TUBD1: variants seen among roughly 807,000 people sequenced by gnomAD.
TUBD1 encodes the protein tubulin delta chain.
Under a neutral mutation model 51.2 loss-of-function variants are expected in TUBD1, and 38 were observed. The ratio of observed to expected loss-of-function variants is 0.74; its 90% CI spans 0.57 to 0.97. The LOEUF (loss-of-function observed/expected upper bound fraction) is 0.97, where lower values mean the gene tolerates loss of function less well. Ranked by LOEUF, TUBD1 falls within the 50% of genes least tolerant of loss-of-function variation. The pLI, the probability that TUBD1 is intolerant of heterozygous loss-of-function variation, is 0.00. For synonymous variants in TUBD1, 169 were observed against 178.2 expected (o/e 0.95, Z 0.41); for missense variants, 489 against 538.4 (o/e 0.91, Z 0.91).
chr17:59,886,040 T>C (rs1177584626), intron 3 of TUBD1, 43 bp downstream of exon 3: 1 of 1,605,050 alleles, frequency 6.2e-7, no homozygotes, highest in Non-Finnish European at 8.5e-7. Context: ...TAATTGACTG[T>C]GTAGCTGTCA....
intron 7 of TUBD1, 46 bp from the exon 8 acceptor site, chr17:59,863,893 T>G: frequency 7.5e-7 from 1 of 1,336,426 alleles, no homozygotes; most frequent in Non-Finnish European, 9.8e-7. Context: ...CATAAATTAG[T>G]AATTGTGAAA....
rs2040324232 is a variant in TUBD1 at position 59,878,399 on chromosome 17, C to T, written c.538-65G>A. The T allele has an allele frequency of 3.4e-6, 4 of 1,187,286 alleles. No individual in the cohort carries two copies. In the Admixed American group the frequency reaches 7.3e-5, roughly 22 times the overall value. 73.5% of individuals were successfully genotyped at this position (1,187,286 alleles called of 1,614,324 possible). A position where few individuals can be genotyped will look rare whatever the true frequency, so the allele number is the denominator to read the frequency against. On this transcript the variant is annotated intron_variant, in intron 4 of 8. Coordinates refer to ENST00000325752, the MANE Select transcript of TUBD1 (RefSeq NM_016261.4). ...AATAATGGTTAAGATTACAGATTCT[C>T]AAGGCATCCTGGCAGGGTTCAAATC...
chr17:59,881,467 TAC>T (rs141757707), intron 3 of TUBD1, among the ~76,000 whole-genome samples: 83 of 152,334 alleles, frequency 5.4e-4, no homozygotes, highest in African/African-American at 1.9e-3. Context: ...AGAGGGAATT[TAC>T]AGAGTATAGA....
intron 1 of TUBD1, chr17:59,891,911 G>A (rs1394405077): frequency 6.6e-6 from 1 of 151,710 alleles, no homozygotes; most frequent in African/African-American, 2.4e-5. Flanking sequence ...GCTGCAGTGA[G>A]CCAAGATCTT....
chr17:59,879,233 A>C (rs1343843273), intron 4 of TUBD1, among the ~76,000 whole-genome samples: 1 of 144,784 alleles, frequency 6.9e-6, no homozygotes, highest in Non-Finnish European at 1.5e-5. Context: ...GTGCCATTGC[A>C]CTCCAGCCTG....
chr17:59,878,570 G>A lies in TUBD1; in HGVS notation c.538-236C>T, dbSNP rs566828794. The A allele has an allele frequency of 5.2e-5, 20 of 384,012 alleles. 1 individual carries two copies. The highest frequency in any genetic ancestry group is 2.3e-4 in the African/African-American group (11 of 47,568). 23.8% of individuals were successfully genotyped at this position (384,012 alleles called of 1,614,324 possible). On this transcript the variant is annotated intron_variant, in intron 4 of 8. Coordinates refer to ENST00000325752, the MANE Select transcript of TUBD1 (RefSeq NM_016261.4). ...CACCATCTCTGCTCACTGCAACCTC[G>A]GCCTCCCGGTTCGAGATTCTTGTGT...
At position 59,880,993 on chromosome 17, in the gene TUBD1, T is replaced by C; in HGVS notation, c.438A>G (p.Thr146=). 2.5e-6 allele frequency: 4 copies of C among 1,614,166 alleles called. No individual in the cohort carries two copies. Among genetic ancestry groups the C allele is most frequent in the Non-Finnish European group, 3.4e-6 (4 of 1,180,016 alleles). Residue 146 remains threonine (T), a synonymous_variant, in exon 4 of 9, where the codon ACA becomes ACG. Coordinates refer to ENST00000325752, the MANE Select transcript of TUBD1 (RefSeq NM_016261.4). ...FFIIMSMAGG[T]GSGLGAFVTQ... is the part of the protein sequence containing the mutation. ...TAACGAAAGCTCCTAATCCTGATCC[T>C]GTGCCCCCAGCCATACTCATTATGA...
chr17:59,878,057 C>T lies in TUBD1; in HGVS notation c.769+46G>A. 3 of 1,488,130 alleles carry T rather than the reference C, an allele frequency of 2.0e-6. 1 individual carries two copies. The South Asian group carries it at 3.5e-5, about 17-fold the overall frequency. The allele number at this position is 1,488,130 out of a possible 1,614,324, so 92.2% of individuals were successfully genotyped here. A position where few individuals can be genotyped will look rare whatever the true frequency, so the allele number is the denominator to read the frequency against. ...CAGAAAGAATAAACTTTGAAGCTTTCAGAACATAAGGCTTTCCTATAATTA... is the reference window on the plus strand; with the variant it reads ...CAGAAAGAATAAACTTTGAAGCTTTTAGAACATAAGGCTTTCCTATAATTA... On this transcript the variant is annotated intron_variant, in intron 5 of 8. Coordinates refer to ENST00000325752, the MANE Select transcript of TUBD1 (RefSeq NM_016261.4).
At chr17:59,876,384 T>C (rs2040226847) in intron 5 of TUBD1, among the ~76,000 whole-genome samples, 1 of 151,134 alleles carries the variant, frequency 6.6e-6, no homozygotes, top group African/African-American at 2.4e-5. Context: ...AGATGGAGTT[T>C]CGCTCTTATT....
chr17:59,876,022 A>T (rs1465052574), intron 5 of TUBD1, among the ~76,000 whole-genome samples: 1 of 152,176 alleles, frequency 6.6e-6, no homozygotes. Flanking sequence ...AAATTTTGAC[A>T]CAAACATCTA....
intron 3 of TUBD1, chr17:59,885,292 C>G: frequency 6.6e-6 from 4 of 601,548 alleles, no homozygotes; most frequent in Non-Finnish European, 9.5e-6. Flanking sequence ...CCAGCTGGAC[C>G]TGAGATTGAA....
rs763470032 is a variant in TUBD1, at chr17:59,859,599, A to G, written c.*723T>C. 4.6e-5 allele frequency: 7 copies of G among 152,658 alleles called. No homozygotes were observed. 9.5% of individuals were successfully genotyped at this position (152,658 alleles called of 1,614,324 possible). A position where few individuals can be genotyped will look rare whatever the true frequency, so the allele number is the denominator to read the frequency against. On this transcript the variant is annotated 3_prime_UTR_variant, in exon 9 of 9. Coordinates refer to ENST00000325752, the MANE Select transcript of TUBD1 (RefSeq NM_016261.4). ...TATTCAAAATACATGTTCACACTGT[A>G]GCATTTGACAACATCTCCCTCCTGT...
Position 59,863,716 on chromosome 17 carries a change from C to T in TUBD1, c.1207G>A (p.Val403Ile). The change falls in exon 8 of 9, where the codon GTA becomes ATA. Residue 403 changes from valine (V) to isoleucine (I), a missense_variant. Coordinates refer to ENST00000325752, the MANE Select transcript of TUBD1 (RefSeq NM_016261.4). ...AVLVSNSQFL[V>I]KPLDMIVGKA... ...CCAACAATCATATCAAGTGGTTTTA[C>T]TAAGAACTGGCTGTTGCTGACCAAC... The T allele has an allele frequency of 6.2e-7, 1 of 1,603,746 alleles. No individual in the cohort carries two copies. Among genetic ancestry groups the T allele is most frequent in the Non-Finnish European group, 8.5e-7 (1 of 1,177,018 alleles).
chr17:59,871,360 T>C (rs1472543938), intron 6 of TUBD1, among the ~76,000 whole-genome samples: 1 of 151,956 alleles, frequency 6.6e-6, no homozygotes, highest in Non-Finnish European at 1.5e-5. Flanking sequence ...CCACCATGCC[T>C]GGCTAATTTT....
At chr17:59,860,899 A>T (rs1358312969) in intron 8 of TUBD1, among the ~76,000 whole-genome samples, 1 of 151,682 alleles carries the variant, frequency 6.6e-6, no homozygotes, top group African/African-American at 2.4e-5. Flanking sequence ...AACTTTCAAA[A>T]TTTATGTCAA....
chr17:59,880,576 G>A (rs371446350), intron 4 of TUBD1, among the ~76,000 whole-genome samples: 269 of 151,884 alleles, frequency 1.8e-3, no homozygotes, highest in East Asian at 6.2e-3. Flanking sequence ...GTACGGTAGC[G>A]CGATCTTGGC....
At chr17:59,889,668 C>CAAAAAAAAAAAAAAAAAA (rs1195587619) in intron 2 of TUBD1, among the ~76,000 whole-genome samples, 2 of 54,182 alleles carry the variant, frequency 3.7e-5, no homozygotes, top group African/African-American at 7.4e-5. Context: ...GACTCTGTCT[C>CAAAAAAAAAAAAAAAAAA]AAAAAAAAAA....
chr17:59,864,295 G>A (rs957065268), intron 7 of TUBD1, among the ~76,000 whole-genome samples: 7 of 151,288 alleles, frequency 4.6e-5, no homozygotes, highest in South Asian at 4.2e-4. Context: ...ACAGATGCCC[G>A]CCACCATGCC....
At chr17:59,869,063 AAG>A (rs1452746959) in intron 6 of TUBD1, among the ~76,000 whole-genome samples, 1 of 151,834 alleles carries the variant, frequency 6.6e-6, no homozygotes, top group African/African-American at 2.4e-5. Flanking sequence ...AGAATATATG[AAG>A]AGTTATAAAA....
Sources: gnomAD v4.1 joint callset for allele counts (sites outside exome capture counted in the v4.1 genomes callset) on GRCh38, gnomAD v4.1.1 for gene constraint, MANE v1.5 for transcripts, NCBI Gene and HGNC (gene_info 2026-07-23, HGNC 2026-07-21) for gene names.